Variants in CCDC158 observed in about 807,000 individuals in gnomAD.
The protein encoded by CCDC158 is coiled-coil domain-containing protein 158.
Under a neutral mutation model 138.6 loss-of-function variants are expected in CCDC158, and 116 were observed. That is an observed-to-expected ratio of 0.84 (90% CI 0.72 to 0.98). CCDC158 has a LOEUF of 0.98. Ranked by LOEUF, CCDC158 falls within the 50% of genes least tolerant of loss-of-function variation. CCDC158 has a pLI of 0.00. For missense variants in CCDC158, 1,265 were observed against 1,306.1 expected, an observed-to-expected ratio of 0.97 and a Z score of 0.48; for synonymous variants, 436 against 442.4, an observed-to-expected ratio of 0.99 and a Z score of 0.18.
In CCDC158 at chr4:76,325,916, A is replaced by G. The variant is rs752635930; in HGVS notation, c.3110T>C (p.Ile1037Thr). 3.7e-6 allele frequency: 6 copies of G among 1,613,802 alleles called. No individual in the cohort carries two copies. The highest frequency in any genetic ancestry group is 4.2e-6 in the Non-Finnish European group (5 of 1,179,702). Residue 1037 changes from isoleucine (I) to threonine (T), a missense_variant, in exon 23 of 25, where the codon ATA becomes ACA. By Grantham distance (89) the Ile-to-Thr change is moderately conservative. Coordinates refer to ENST00000682701, the MANE Select transcript of CCDC158 (RefSeq NM_001394954.1). ...SLLTSSVEGS[I>T]GSTSQYRSAK... ...AGATCTATACTGTGATGTGGAACCT[A>G]TTGAACCTTCAACTGAACTAGTTAG...
intron 1 of CCDC158, among the ~76,000 whole-genome samples, 178 bp downstream of exon 1, chr4:76,420,787 C>A (rs1730058064): frequency 1.3e-5 from 2 of 152,136 alleles, no homozygotes; most frequent in African/African-American, 4.8e-5. Context: ...TCTTGCAATC[C>A]CCTAAAACAA....
rs201954731 is a variant in CCDC158, at chr4:76,383,712, T to G, written c.753A>C (p.Lys251Asn). The change falls in exon 7 of 25, where the codon AAA becomes AAC. Residue 251 changes from lysine to asparagine, a missense_variant. Lys to Asn is a moderately conservative substitution (Grantham distance 94). Coordinates refer to ENST00000682701, the MANE Select transcript of CCDC158 (RefSeq NM_001394954.1). ...GTTCTATTTTGTTCTGTGATTCAGA[T>G]TTCAGTGCTTCAAGTTGATCCTCTA... ...FPVEDQLEAL[K>N]SESQNKIELL... 57 of 1,613,464 alleles carry G rather than the reference T, an allele frequency of 3.5e-5. No individual in the cohort carries two copies. The highest frequency in any genetic ancestry group is 6.7e-5 in the Admixed American group (4 of 60,010).
At position 76,367,790 on chromosome 4, in the gene CCDC158, A is replaced by G. The variant is rs781625040; in HGVS notation, c.1348-14T>C. 8.2e-6 allele frequency: 13 copies of G among 1,585,996 alleles called. No individual in the cohort carries two copies. The East Asian group carries it at 2.9e-4, about 36-fold the overall frequency. On this transcript the variant is annotated splice_polypyrimidine_tract_variant and intron_variant, in intron 11 of 24. Transcript: ENST00000682701. ...AATTGCTGCCATCTGATTGTTAAAG[A>G]AAAGAGAATTTCATAGATTTGGGAG...
chr4:76,353,412 T>C, intron 15 of CCDC158, 131 bp from the exon 16 acceptor site: 1 of 660,932 alleles, frequency 1.5e-6, no homozygotes, highest in Non-Finnish European at 2.5e-6. Flanking sequence ...ATTTAATTGC[T>C]TCTGAGTTGT....
chr4:76,361,423 G>A (rs762317678), intron 13 of CCDC158, among the ~76,000 whole-genome samples: 13 of 152,118 alleles, frequency 8.5e-5, no homozygotes, highest in Middle Eastern at 3.4e-3. Context: ...TTAGCCAGGC[G>A]TGGTGGTGGG....
rs28498651 is a variant in CCDC158 at position 76,383,810 on chromosome 4, C to G, written c.727-72G>C. The G allele has an allele frequency of 6.2e-3, 6,498 of 1,041,328 alleles. 238 individuals carry two copies. The African/African-American group carries it at 0.088, about 14-fold the overall frequency. The allele number at this position is 1,041,328 out of a possible 1,614,324, so 64.5% of individuals were successfully genotyped here. ...GCTTGGAAAATCTGGAGATTTTCAA[C>G]TAAAGGAATGCTTTAAATGCAAGTA... On this transcript the variant is annotated intron_variant, in intron 6 of 24. Coordinates refer to ENST00000682701, the MANE Select transcript of CCDC158 (RefSeq NM_001394954.1).
chr4:76,382,206 G>A (rs112208950), intron 8 of CCDC158, among the ~76,000 whole-genome samples: 1 of 152,154 alleles, frequency 6.6e-6, no homozygotes, highest in African/African-American at 2.4e-5. Flanking sequence ...GCCATGGTAT[G>A]ATGTGCTTGC....
chr4:76,333,645 C>T (rs1054135070), intron 19 of CCDC158, among the ~76,000 whole-genome samples: 13 of 152,158 alleles, frequency 8.5e-5, no homozygotes, highest in Admixed American at 2.6e-4. Flanking sequence ...GCTGCAGACA[C>T]GTCGACCTTT....
chr4:76,356,524 G>A (rs930545731), intron 14 of CCDC158: 10 of 152,086 alleles, frequency 6.6e-5, no homozygotes, highest in African/African-American at 2.4e-4. Flanking sequence ...TGGGGAGCAG[G>A]GGCAGCAGAC....
chr4:76,332,028 T>C (rs1721056844), intron 20 of CCDC158, among the ~76,000 whole-genome samples: 1 of 152,216 alleles, frequency 6.6e-6, no homozygotes, highest in Admixed American at 6.5e-5. Context: ...ATTCAATTAT[T>C]GATGAAAATA....
At chr4:76,379,454 A>G in intron 8 of CCDC158, 50 bp from the exon 9 acceptor site, 1 of 1,098,840 alleles carries the variant, frequency 9.1e-7, no homozygotes, top group Non-Finnish European at 1.3e-6. Flanking sequence ...ACTAAGAATA[A>G]GAGTAACACC....
chr4:76,388,071 G>A (rs1395021047), intron 4 of CCDC158, among the ~76,000 whole-genome samples: 5 of 152,178 alleles, frequency 3.3e-5, no homozygotes, highest in African/African-American at 1.2e-4. Flanking sequence ...TGAATAACCA[G>A]CAGTGATACC....
intron 18 of CCDC158, among the ~76,000 whole-genome samples, chr4:76,340,343 C>T (rs1188095352): frequency 6.6e-6 from 1 of 152,168 alleles, no homozygotes; most frequent in Non-Finnish European, 1.5e-5. Flanking sequence ...CAAAAGGCCC[C>T]CAAACTGGGA....
At position 76,367,598 on chromosome 4, in the gene CCDC158, T is replaced by C; in HGVS notation, c.1526A>G (p.Glu509Gly). Residue 509 changes from glutamate to glycine, a missense_variant, in exon 12 of 25, where the codon GAG (glutamate) becomes GGG (glycine). Physicochemically the swap from Glu to Gly is moderately conservative, Grantham distance 98 (BLOSUM62 -2). Coordinates refer to ENST00000682701, the MANE Select transcript of CCDC158 (RefSeq NM_001394954.1). ...TGCATTGGTAGCCTCGATGGCTCTC[T>C]CTTTTTCCTGGAGAGAAGTTGTCAG... ...SDLTTSLQEK[E>G]RAIEATNAEI... The C allele has an allele frequency of 6.2e-7, 1 of 1,614,222 alleles. No individual in the cohort carries two copies.
At chr4:76,390,509 A>G (rs1397915297) in intron 4 of CCDC158, among the ~76,000 whole-genome samples, 1 of 152,052 alleles carries the variant, frequency 6.6e-6, no homozygotes, top group Non-Finnish European at 1.5e-5. Context: ...AAATCAAAGC[A>G]TACCACCAGA....
At chr4:76,352,013 G>A in intron 16 of CCDC158, 1 of 448,522 alleles carries the variant, frequency 2.2e-6, no homozygotes, top group South Asian at 4.6e-5. Flanking sequence ...TATACCCCCA[G>A]CAAATACGTA....
chr4:76,370,794 C>T (rs1725157614), intron 10 of CCDC158, among the ~76,000 whole-genome samples: 1 of 152,208 alleles, frequency 6.6e-6, no homozygotes, highest in Admixed American at 6.5e-5. Context: ...CTTCTCTACA[C>T]AGCTCTCAGT....
chr4:76,384,653 G>A lies in CCDC158; in HGVS notation c.301C>T (p.His101Tyr). 14 of 1,609,830 alleles carry A rather than the reference G, an allele frequency of 8.7e-6. No individual in the cohort carries two copies. The highest frequency in any genetic ancestry group is 1.2e-5 in the Non-Finnish European group (14 of 1,178,048). The change falls in exon 5 of 25, where the codon CAT becomes TAT. Residue 101 changes from histidine (H) to tyrosine (Y), a missense_variant. Physicochemically the swap from His to Tyr is moderately conservative, Grantham distance 83. Transcript: ENST00000682701. ...CTCAAATAAAACTTTTGTTTCTCATGCAATTCATTGCTCTGAAAAAAAAAG... is the reference window on the plus strand; with the variant it reads ...CTCAAATAAAACTTTTGTTTCTCATACAATTCATTGCTCTGAAAAAAAAAG... ...QRRLNESNEL[H>Y]EKQKFYLRQS...
intron 1 of CCDC158, among the ~76,000 whole-genome samples, chr4:76,420,246 T>TC (rs370981010): frequency 2.0e-5 from 3 of 151,396 alleles, no homozygotes; most frequent in Admixed American, 1.3e-4. Context: ...CCTGGTCCTT[T>TC]CCCCACACGC....
Sources: allele counts gnomAD v4.1 joint callset (sites outside exome capture counted in the v4.1 genomes callset), GRCh38; gene constraint gnomAD v4.1.1; transcripts MANE v1.5; gene names NCBI Gene and HGNC (gene_info 2026-07-23, HGNC 2026-07-21).